Variants in CARD8 observed in about 807,000 individuals in gnomAD.
The protein encoded by CARD8 is caspase recruitment domain family member 8, also known as caspase recruitment domain-containing protein 8.
A neutral mutation model predicts 53.2 loss-of-function variants in CARD8; 38 were observed. That is an observed-to-expected ratio of 0.71 (90% CI 0.55 to 0.94). The LOEUF (loss-of-function observed/expected upper bound fraction) is 0.94, where lower values mean the gene tolerates loss of function less well. CARD8 is among the 40% of genes least tolerant of loss of function. CARD8 has a pLI of 0.00. For missense variants in CARD8, 561 were observed against 655.5 expected (o/e 0.86, Z 1.57); for synonymous variants, 245 against 244.9 (o/e 1.00, Z 0.00).
chr19:48,244,973 C>T (rs1366229408), intron 3 of CARD8, among the ~76,000 whole-genome samples: 3 of 151,710 alleles, frequency 2.0e-5, no homozygotes, highest in African/African-American at 7.3e-5. Context: ...TAACCTTGTG[C>T]TTCATGTGGA....
In CARD8 at chr19:48,211,785, G is replaced by A. The variant is rs770975518; in HGVS notation, c.1539C>T (p.Ala513=). 11 of 1,614,104 alleles carry A rather than the reference G, an allele frequency of 6.8e-6. No individual in the cohort carries two copies. In the South Asian group the frequency reaches 1.1e-4, roughly 16 times the overall value. The part of the protein sequence containing the change: ...LSMVEKKGDL[A]LDVLFRSISE... Reference sequence around the variant, plus strand: ...TAATGCTTCTGAAGAGCACGTCCAGGGCCAGGTCCCCTTTCTTCTCCACCA... The same window carrying A: ...TAATGCTTCTGAAGAGCACGTCCAGAGCCAGGTCCCCTTTCTTCTCCACCA... The change falls in exon 14 of 14, where the codon GCC becomes GCT. Residue 513 remains alanine (A), a synonymous_variant. Coordinates refer to ENST00000651546, the MANE Select transcript of CARD8 (RefSeq NM_001184900.3).
At chr19:48,239,723 G>A (rs1301950440) in intron 4 of CARD8, among the ~76,000 whole-genome samples, 3 of 152,062 alleles carry the variant, frequency 2.0e-5, no homozygotes. Flanking sequence ...TGATCTGCCC[G>A]CCTCCGCCTC....
In CARD8 at chr19:48,234,402, C is replaced by T. The variant is rs1313958288; in HGVS notation, c.350+1G>A. The T allele has an allele frequency of 6.2e-7, 1 of 1,607,734 alleles. No homozygotes were observed. Among genetic ancestry groups the T allele is most frequent in the South Asian group, 1.1e-5 (1 of 90,364 alleles). ...TTTTCCAACGGAATAGCTTTTCTTA[C>T]CTGGGAATGTCCCCCCCAGATAGTT... On this transcript the variant is annotated splice_donor_variant, in intron 6 of 13. Coordinates refer to ENST00000651546, the MANE Select transcript of CARD8 (RefSeq NM_001184900.3). LOFTEE classifies it high-confidence loss of function.
intron 1 of CARD8, among the ~76,000 whole-genome samples, chr19:48,251,663 C>T (rs1343607162): frequency 6.6e-6 from 1 of 152,170 alleles, no homozygotes; most frequent in African/African-American, 2.4e-5. Context: ...ATTCATTCCA[C>T]AAATATATTT....
chr19:48,210,186 C>T lies in CARD8; in HGVS notation c.*1524G>A, dbSNP rs1035651989. The T allele has an allele frequency of 1.3e-5, 2 of 152,008 alleles. No individual in the cohort carries two copies. The highest frequency in any genetic ancestry group is 2.9e-5 in the Non-Finnish European group (2 of 68,008). 9.4% of individuals were successfully genotyped at this position (152,008 alleles called of 1,614,324 possible). ...ACTGCAGATTTCTCATCAGGAAATA[C>T]GGAAGCTAAAAGGAAACTGCTGAAC... is the stretch of plus-strand genomic sequence containing the variant. On this transcript the variant is annotated 3_prime_UTR_variant, in exon 14 of 14. Transcript: ENST00000651546.
At chr19:48,218,602 C>G (rs952341458) in intron 12 of CARD8, among the ~76,000 whole-genome samples, 1 of 152,090 alleles carries the variant, frequency 6.6e-6, no homozygotes, top group East Asian at 1.9e-4. Flanking sequence ...GATCCTCCCC[C>G]CTCGGCCTCC....
downstream of CARD8, chr19:48,203,866 C>A: frequency 4.0e-6 from 1 of 250,596 alleles, no homozygotes; most frequent in Non-Finnish European, 8.1e-6. Context: ...CACCCATTGG[C>A]CACCTGTATC....
chr19:48,225,032 T>C lies in CARD8; in HGVS notation c.1036-3177A>G, dbSNP rs947691801. Among the ~76,000 whole-genome samples, 81 of 151,476 alleles carry C rather than the reference T, an allele frequency of 5.3e-4. 1 individual carries two copies. Among genetic ancestry groups the C allele is most frequent in the Middle Eastern group, 3.5e-3 (1 of 288 alleles). On this transcript the variant is annotated intron_variant, in intron 10 of 13. Transcript: ENST00000651546. ...CCTCCCAAAGTCCTGGGATTACAGG[T>C]GTGAGCCACCGCACCCGGCCCTCCT...
intron 4 of CARD8, among the ~76,000 whole-genome samples, chr19:48,239,527 G>T (rs1249716378): frequency 6.8e-6 from 1 of 146,126 alleles, no homozygotes; most frequent in Non-Finnish European, 1.5e-5. Context: ...CCAGGCTGGA[G>T]TGCAATGGAG....
chr19:48,212,159 T>C (rs996190980), intron 13 of CARD8, among the ~76,000 whole-genome samples, 184 bp from the exon 14 acceptor site: 4 of 152,232 alleles, frequency 2.6e-5, no homozygotes, highest in Admixed American at 2.0e-4. Flanking sequence ...ATCAAATGCA[T>C]TGAGGTGTCT....
intron 12 of CARD8, among the ~76,000 whole-genome samples, chr19:48,217,005 T>C (rs1158409442): frequency 6.6e-6 from 1 of 152,036 alleles, no homozygotes; most frequent in African/African-American, 2.4e-5. Flanking sequence ...CAGTGACAGA[T>C]CATCAGGTGT....
intron 12 of CARD8, among the ~76,000 whole-genome samples, chr19:48,218,352 T>C: frequency 8.4e-6 from 1 of 119,596 alleles, no homozygotes; most frequent in South Asian, 3.0e-4. Context: ...TTTATCTTCT[T>C]CTTTTTTTTT....
intron 3 of CARD8, among the ~76,000 whole-genome samples, chr19:48,244,857 C>T (rs529544211): frequency 5.3e-5 from 8 of 151,510 alleles, no homozygotes; most frequent in African/African-American, 1.7e-4. Flanking sequence ...AATGATGGAC[C>T]CAAGTTAACA....
intron 3 of CARD8, among the ~76,000 whole-genome samples, chr19:48,246,439 C>G (rs538947804): frequency 6.6e-6 from 1 of 152,208 alleles, no homozygotes; most frequent in East Asian, 1.9e-4. Context: ...GTGTTTACAG[C>G]TACTAAGATA....
chr19:48,232,005 A>C, intron 7 of CARD8, 195 bp from the exon 8 acceptor site: 1 of 678,686 alleles, frequency 1.5e-6, no homozygotes, highest in South Asian at 1.5e-5. Flanking sequence ...TGTCATGACT[A>C]AACGTATACA....
downstream of CARD8, among the ~76,000 whole-genome samples, chr19:48,207,744 T>TTTTTGTTTTTTTTTG (rs1568596094): frequency 3.3e-5 from 3 of 90,302 alleles, no homozygotes; most frequent in Non-Finnish European, 7.7e-5. Flanking sequence ...GTTTTTTTTT[T>TTTTTGTTTTTTTTTG]TTTTTTTTTG....
chr19:48,214,060 A>G (rs2038642650), intron 13 of CARD8, among the ~76,000 whole-genome samples: 1 of 152,140 alleles, frequency 6.6e-6, no homozygotes, highest in Non-Finnish European at 1.5e-5. Context: ...ATTTACCCCC[A>G]ATAATTTGCT....
intron 3 of CARD8, among the ~76,000 whole-genome samples, chr19:48,243,512 T>C (rs764083855): frequency 6.6e-6 from 1 of 152,222 alleles, no homozygotes; most frequent in Non-Finnish European, 1.5e-5. Context: ...TGTTTAATTA[T>C]TATGCTTCTC....
chr19:48,227,195 AAG>A (rs2041958536), intron 10 of CARD8, among the ~76,000 whole-genome samples: 1 of 152,140 alleles, frequency 6.6e-6, no homozygotes, highest in Non-Finnish European at 1.5e-5. Flanking sequence ...CTGAATGGGG[AAG>A]AGAGTTGAAT....
Sources: gnomAD v4.1 joint callset for allele counts (sites outside exome capture counted in the v4.1 genomes callset) on GRCh38, gnomAD v4.1.1 for gene constraint, MANE v1.5 for transcripts, NCBI Gene and HGNC (gene_info 2026-07-23, HGNC 2026-07-21) for gene names.